Variants in KCP observed in about 807,000 individuals in gnomAD.
KCP encodes the protein kielin cysteine rich BMP regulator, also known as kielin/chordin-like protein.
A neutral mutation model predicts 212.7 loss-of-function variants in KCP; 194 were observed. The ratio of observed to expected loss-of-function variants is 0.91; its 90% CI spans 0.81 to 1.03. The LOEUF is 1.03. Ranked by LOEUF, KCP falls within the 50% of genes least tolerant of loss-of-function variation. KCP has a pLI of 0.00. For synonymous variants in KCP, 833 were observed against 865.3 expected (o/e 0.96, Z 0.65); for missense variants, 2,080 against 2,162.5 (o/e 0.96, Z 0.76).
At chr7:128,903,379 C>T in intron 7 of KCP, 1 of 324,390 alleles carries the variant, frequency 3.1e-6, no homozygotes. Flanking sequence ...TATTCCTGCC[C>T]TTGGCTGTTA....
chr7:128,904,043 C>T lies in KCP; in HGVS notation c.654+13G>A. 6.5e-7 allele frequency: 1 copy of T among 1,550,182 alleles called. No individual in the cohort carries two copies. The highest frequency in any genetic ancestry group is 8.7e-7 in the Non-Finnish European group (1 of 1,145,694). On this transcript the variant is annotated intron_variant, in intron 6 of 39. Coordinates refer to ENST00000610776, the MANE Select transcript of KCP (RefSeq NM_001366122.1). Reference sequence around the variant, plus strand: ...AGGTGCAGGGCCTGGGCAGAGGGGACAGGTGGACTCACCAGGCAGGTGCAC... The same window carrying T: ...AGGTGCAGGGCCTGGGCAGAGGGGATAGGTGGACTCACCAGGCAGGTGCAC...
chr7:128,884,956 A>G, intron 27 of KCP, 93 bp from the exon 28 acceptor site: 1 of 1,476,786 alleles, frequency 6.8e-7, no homozygotes, highest in Non-Finnish European at 9.3e-7. Context: ...CCTCCCCCTG[A>G]TCCCAGGGAG....
At chr7:128,904,362 G>A (rs1387507051) in intron 5 of KCP, 1 of 1,551,536 alleles carries the variant, frequency 6.4e-7, no homozygotes, top group South Asian at 1.2e-5. Context: ...GAGGGCCCCT[G>A]GCACTGCACG....
At chr7:128,894,709 C>T (rs141541162) in intron 8 of KCP, among the ~76,000 whole-genome samples, 192 of 152,212 alleles carry the variant, frequency 1.3e-3, no homozygotes, top group African/African-American at 4.4e-3. Context: ...TGGGTTCAAG[C>T]GATTCTCCTG....
chr7:128,896,018 T>A (rs955141359), intron 8 of KCP, among the ~76,000 whole-genome samples: 1 of 152,162 alleles, frequency 6.6e-6, no homozygotes, highest in African/African-American at 2.4e-5. Context: ...AAGAACCCTT[T>A]CTTGGGGTCT....
At chr7:128,886,602 C>G (rs549258893) in intron 25 of KCP, 45 bp from the exon 26 acceptor site, 2 of 1,550,890 alleles carry the variant, frequency 1.3e-6, no homozygotes, top group Admixed American at 2.0e-5. Context: ...AGGCTGGGGC[C>G]CAGAGGTGCT....
intron 8 of KCP, among the ~76,000 whole-genome samples, chr7:128,896,281 C>T (rs541268297): frequency 8.6e-4 from 131 of 152,208 alleles, no homozygotes; most frequent in Middle Eastern, 3.4e-3. Flanking sequence ...AGAGGCCCAG[C>T]TTAGGGGAAT....
At position 128,877,228 on chromosome 7, in the gene KCP, G is replaced by C. The variant is rs1418095632; in HGVS notation, c.4702C>G (p.Pro1568Ala). The change falls in exon 40 of 40, where the codon CCC becomes GCC. Residue 1568 changes from proline (P) to alanine (A), a missense_variant. Physicochemically the swap from Pro to Ala is conservative, Grantham distance 27 (BLOSUM62 -1). Coordinates refer to ENST00000610776, the MANE Select transcript of KCP (RefSeq NM_001366122.1). ...CAGTGGGCTGCCAGCTCCCCCAGGGGGATATGCTGATTGAAGCAGGTGCGG... is the reference window on the plus strand; with the variant it reads ...CAGTGGGCTGCCAGCTCCCCCAGGGCGATATGCTGATTGAAGCAGGTGCGG... ...CPRTCFNQHI[P>A]LGELAAHCVR... 1 of 1,482,176 alleles carries C rather than the reference G, an allele frequency of 6.7e-7. No homozygotes were observed. The highest frequency in any genetic ancestry group is 2.7e-5 in the Admixed American group (1 of 36,852). 91.8% of individuals were successfully genotyped at this position (1,482,176 alleles called of 1,614,324 possible).
chr7:128,884,131 A>C lies in KCP; in HGVS notation c.3124-9T>G. Reference sequence around the variant, plus strand: ...GGCCCCTCAGGCTGTGGCTACAAGAATGAGTGAGCAGCGGTGGGTCCTGGG... The same window carrying C: ...GGCCCCTCAGGCTGTGGCTACAAGACTGAGTGAGCAGCGGTGGGTCCTGGG... On this transcript the variant is annotated splice_polypyrimidine_tract_variant and intron_variant, in intron 28 of 39. Transcript: ENST00000610776. 3 of 1,540,718 alleles carry C rather than the reference A, an allele frequency of 1.9e-6. No individual in the cohort carries two copies. Among genetic ancestry groups the C allele is most frequent in the Non-Finnish European group, 1.7e-6 (2 of 1,144,040 alleles).
intron 20 of KCP, among the ~76,000 whole-genome samples, 170 bp from the exon 21 acceptor site, chr7:128,890,683 CTGAGGTCCGTGGAGGA>C (rs934616818): frequency 2.1e-5 from 2 of 95,322 alleles, no homozygotes; most frequent in South Asian, 3.3e-4. Context: ...TCCGTGGAGG[CTGAGGTCCGTGGAGGA>C]TGGGTGTCGT....
chr7:128,885,412 A>T, intron 26 of KCP, 142 bp from the exon 27 acceptor site: 1 of 807,254 alleles, frequency 1.2e-6, no homozygotes, highest in South Asian at 1.7e-5. Flanking sequence ...GATGGGGCAG[A>T]ACTCCTGTCT....
chr7:128,908,349 A>G, intron 2 of KCP, 77 bp downstream of exon 2: 1 of 1,402,076 alleles, frequency 7.1e-7, no homozygotes, highest in Non-Finnish European at 9.6e-7. Flanking sequence ...TCCCCCCTCC[A>G]AGCCTAACTC....
rs1401938393 is a variant in KCP, at chr7:128,903,838, C to A, written c.655-18G>T. ...CGGCTCCTCTGTAATGCACCAGTGG[C>A]TGTGAGGCTTCAGGTCTGGCTCCCG... On this transcript the variant is annotated intron_variant, in intron 6 of 39. Transcript: ENST00000610776. 1 of 1,100,316 alleles carries A rather than the reference C, an allele frequency of 9.1e-7. No homozygotes were observed. Among genetic ancestry groups the A allele is most frequent in the African/African-American group, 1.8e-5 (1 of 55,914 alleles). The allele number at this position is 1,100,316 out of a possible 1,614,324, so 68.2% of individuals were successfully genotyped here.
chr7:128,908,625 T>A lies in KCP; in HGVS notation c.77-57A>T. ...AGGGTGAGGGGCTGGCCTGGCCACA[T>A]TTTCTGGGTTCTGTCTTCTGACCCA... On this transcript the variant is annotated intron_variant, in intron 1 of 39. Transcript: ENST00000610776. The A allele has an allele frequency of 2.6e-6, 4 of 1,512,628 alleles. No homozygotes were observed. The South Asian group carries it at 3.7e-5, about 14-fold the overall frequency. 93.7% of individuals were successfully genotyped at this position (1,512,628 alleles called of 1,614,324 possible).
At chr7:128,883,691 G>A (rs1478002367) in intron 29 of KCP, among the ~76,000 whole-genome samples, 1 of 152,068 alleles carries the variant, frequency 6.6e-6, no homozygotes, top group Non-Finnish European at 1.5e-5. Flanking sequence ...AACAAAAAAA[G>A]CTCGCCCACC....
chr7:128,901,637 A>G (rs77558223), intron 8 of KCP, among the ~76,000 whole-genome samples: 1 of 147,750 alleles, frequency 6.8e-6, no homozygotes, highest in Non-Finnish European at 1.5e-5. Context: ...AAAAAAAAAA[A>G]CACATAAACT....
intron 37 of KCP, 122 bp downstream of exon 37, chr7:128,879,400 C>G (rs1214922286): frequency 3.9e-6 from 3 of 760,724 alleles, no homozygotes; most frequent in Admixed American, 4.8e-5. Flanking sequence ...CCCTGTACCC[C>G]ACTCCTTGCC....
intron 29 of KCP, among the ~76,000 whole-genome samples, chr7:128,883,391 G>A (rs998791043): frequency 3.9e-5 from 6 of 152,034 alleles, no homozygotes; most frequent in African/African-American, 9.7e-5. Context: ...TCCCACCTTG[G>A]CCTCCCAAAG....
chr7:128,904,263 C>T (rs762035930), intron 5 of KCP, 125 bp from the exon 6 acceptor site: 1 of 1,548,484 alleles, frequency 6.5e-7, no homozygotes, highest in South Asian at 1.2e-5. Context: ...CGGGGCAGGG[C>T]AGGACAGGGC....
Sources: gnomAD v4.1 joint callset for allele counts (sites outside exome capture counted in the v4.1 genomes callset) on GRCh38, gnomAD v4.1.1 for gene constraint, MANE v1.5 for transcripts, NCBI Gene and HGNC (gene_info 2026-07-23, HGNC 2026-07-21) for gene names.